GNA12: variants seen among roughly 807,000 people sequenced by gnomAD.
The protein encoded by GNA12 is guanine nucleotide-binding protein subunit alpha-12.
Under a neutral mutation model 26.0 loss-of-function variants are expected in GNA12, and 9 were observed. That is an observed-to-expected ratio of 0.35 (90% CI 0.21 to 0.60). The LOEUF (loss-of-function observed/expected upper bound fraction) is 0.60, where lower values mean the gene tolerates loss of function less well. Ranked by LOEUF, GNA12 falls within the 20% of genes least tolerant of loss-of-function variation. The pLI is 0.78. For synonymous variants in GNA12, 264 were observed against 219.6 expected, an observed-to-expected ratio of 1.20 and a Z score of -1.79; for missense variants, 405 against 525.8, an observed-to-expected ratio of 0.77 and a Z score of 2.25.
At chr7:2,842,688 G>C (rs1480250812) in intron 1 of GNA12, among the ~76,000 whole-genome samples, 1 of 152,214 alleles carries the variant, frequency 6.6e-6, no homozygotes, top group Non-Finnish European at 1.5e-5. Context: ...TGCATGTCGA[G>C]TCACACAAAA....
intron 2 of GNA12, chr7:2,764,484 G>A (rs1323190969): frequency 6.6e-6 from 1 of 152,176 alleles, no homozygotes; most frequent in African/African-American, 2.4e-5. Context: ...TGAATCCTCT[G>A]AGACGCCCCA....
At chr7:2,790,323 C>T (rs1792484835) in intron 2 of GNA12, among the ~76,000 whole-genome samples, 1 of 152,236 alleles carries the variant, frequency 6.6e-6, no homozygotes, top group Non-Finnish European at 1.5e-5. Flanking sequence ...GCGATCTCAG[C>T]TCACTGTAGC....
chr7:2,817,767 G>A (rs77288338), intron 1 of GNA12, among the ~76,000 whole-genome samples: 2,210 of 152,302 alleles, frequency 0.015, 58 homozygotes, highest in African/African-American at 0.05. Flanking sequence ...ATTAGGACTG[G>A]GGAGGAGAAC....
At chr7:2,738,141 G>A (rs1790302200) in intron 2 of GNA12, among the ~76,000 whole-genome samples, 1 of 152,142 alleles carries the variant, frequency 6.6e-6, no homozygotes, top group Non-Finnish European at 1.5e-5. Flanking sequence ...TAGGTAAGAG[G>A]ACCAGGCGTG....
intron 2 of GNA12, among the ~76,000 whole-genome samples, chr7:2,787,917 G>A (rs1792405437): frequency 6.6e-6 from 1 of 152,226 alleles, no homozygotes; most frequent in Non-Finnish European, 1.5e-5. Flanking sequence ...AGCTTTGGAA[G>A]CCAAGGCAGG....
At position 2,822,841 on chromosome 7, in the gene GNA12, A is replaced by G. The variant is rs140891871; in HGVS notation, c.309+21012T>C. On this transcript the variant is annotated intron_variant, in intron 1 of 3. Coordinates refer to ENST00000275364, the MANE Select transcript of GNA12 (RefSeq NM_007353.3). The stretch of plus-strand genomic sequence containing the variant: ...AGAAAAGAAAGATTTAAAGACAATG[A>G]CTTGGAAAGGAGTTGAAGGAGATAA... 9.9e-4 allele frequency among the ~76,000 whole-genome samples: 150 copies of G among 152,248 alleles called. 1 individual carries two copies. In the East Asian group the frequency reaches 0.027, roughly 27 times the overall value.
chr7:2,741,483 G>A (rs1323732974), intron 2 of GNA12, among the ~76,000 whole-genome samples: 2 of 152,192 alleles, frequency 1.3e-5, no homozygotes, highest in African/African-American at 4.8e-5. Context: ...CAGTTGGACT[G>A]CCTGTTAGCT....
chr7:2,784,529 C>A (rs117707051), intron 2 of GNA12, among the ~76,000 whole-genome samples: 10 of 152,218 alleles, frequency 6.6e-5, no homozygotes, highest in African/African-American at 2.4e-4. Context: ...AACTTCCTCA[C>A]TGTATACTCC....
chr7:2,741,348 C>T (rs948004517), intron 2 of GNA12, among the ~76,000 whole-genome samples: 3 of 152,092 alleles, frequency 2.0e-5, no homozygotes, highest in African/African-American at 7.2e-5. Flanking sequence ...GAGTGAGACA[C>T]TGTCTCTTAA....
intron 2 of GNA12, among the ~76,000 whole-genome samples, chr7:2,783,873 C>T (rs1351689197): frequency 6.6e-6 from 1 of 151,778 alleles, no homozygotes. Context: ...TTAGTAGAGA[C>T]AGGGTTTCAC....
At chr7:2,738,351 C>T (rs944651826) in intron 2 of GNA12, among the ~76,000 whole-genome samples, 1 of 152,060 alleles carries the variant, frequency 6.6e-6, no homozygotes, top group Non-Finnish European at 1.5e-5. Flanking sequence ...CACAAGCTGT[C>T]ACTGCAGGAA....
At chr7:2,756,040 A>T (rs546220737) in intron 2 of GNA12, among the ~76,000 whole-genome samples, 9 of 152,242 alleles carry the variant, frequency 5.9e-5, no homozygotes, top group Non-Finnish European at 1.0e-4. Context: ...CAACGTTTTC[A>T]TAATACCAAC....
intron 1 of GNA12, among the ~76,000 whole-genome samples, chr7:2,806,282 C>G (rs1792944716): frequency 6.6e-6 from 1 of 151,774 alleles, no homozygotes; most frequent in Non-Finnish European, 1.5e-5. Context: ...AGTTCGAGAC[C>G]AGCCTGGCCA....
intron 2 of GNA12, among the ~76,000 whole-genome samples, chr7:2,736,277 G>A (rs1156831440): frequency 1.3e-5 from 2 of 152,152 alleles, no homozygotes; most frequent in African/African-American, 2.4e-5. Context: ...GCGGTCACAC[G>A]ATCTAGAAAC....
chr7:2,748,393 G>T (rs1274928151), intron 2 of GNA12, among the ~76,000 whole-genome samples: 1 of 152,082 alleles, frequency 6.6e-6, no homozygotes, highest in East Asian at 1.9e-4. Flanking sequence ...AAACCTGACA[G>T]AAACAAGCAA....
chr7:2,813,362 G>T (rs537632758), intron 1 of GNA12, among the ~76,000 whole-genome samples: 1 of 152,298 alleles, frequency 6.6e-6, no homozygotes, highest in African/African-American at 2.4e-5. Context: ...CATGCCCATA[G>T]TACCAATTTC....
intron 2 of GNA12, among the ~76,000 whole-genome samples, chr7:2,777,129 A>C (rs1278700528): frequency 6.6e-6 from 1 of 152,110 alleles, no homozygotes; most frequent in Admixed American, 6.5e-5. Flanking sequence ...GAGTGGACTG[A>C]GGGGAGACAC....
intron 1 of GNA12, among the ~76,000 whole-genome samples, chr7:2,820,401 C>CTTTT (rs35674433): frequency 0.029 from 3,653 of 126,296 alleles, 187 homozygotes; most frequent in African/African-American, 0.079. Context: ...CTCAATAAAG[C>CTTTT]TTTTTTTTTT....
chr7:2,743,954 C>T lies in GNA12; in HGVS notation c.526-10453G>A, dbSNP rs547013412. ...AGCAGTCTGAGATCAAACTGCAAGG[C>T]AGCAGCGAGGCTGGGGGAGGGGTAC... is the stretch of plus-strand genomic sequence containing the variant. On this transcript the variant is annotated intron_variant, in intron 2 of 3. Transcript: ENST00000275364. Among the ~76,000 whole-genome samples the T allele has an allele frequency of 4.6e-5, 7 of 152,242 alleles. No homozygotes were observed. The South Asian group carries it at 1.5e-3, about 32-fold the overall frequency.
Sources: allele counts gnomAD v4.1 joint callset (sites outside exome capture counted in the v4.1 genomes callset), GRCh38; gene constraint gnomAD v4.1.1; transcripts MANE v1.5; gene names NCBI Gene and HGNC (gene_info 2026-07-23, HGNC 2026-07-21).